BSCL2: variants seen among roughly 807,000 people sequenced by gnomAD.
BSCL2 encodes BSCL2 lipid droplet biogenesis associated, seipin, also known as seipin.
Under a neutral mutation model 57.4 loss-of-function variants are expected in BSCL2, and 41 were observed. The observed-to-expected ratio is 0.71, with a 90% CI of 0.56 to 0.93. The LOEUF (loss-of-function observed/expected upper bound fraction) is 0.93. BSCL2 is among the 40% of genes least tolerant of loss of function. The pLI is 0.00. For synonymous variants in BSCL2, 237 were observed against 227.3 expected (o/e 1.04, Z -0.38); for missense variants, 539 against 586.7 (o/e 0.92, Z 0.84).
At chr11:62,706,263 C>T (rs1350154556) in intron 1 of BSCL2, 1 of 1,102,134 alleles carries the variant, frequency 9.1e-7, no homozygotes, top group African/African-American at 1.7e-5. Context: ...ACTCACCAGC[C>T]TCGCGCGCTG....
Position 62,690,370 on chromosome 11 carries a change from G to T in BSCL2, c.1386C>A (p.Ser462=). 1 of 1,614,028 alleles carries T rather than the reference G, an allele frequency of 6.2e-7. No individual in the cohort carries two copies. Among genetic ancestry groups the T allele is most frequent in the Non-Finnish European group, 8.5e-7 (1 of 1,180,030 alleles). Residue 462 remains serine (S), a synonymous_variant, in exon 11 of 11, where the codon TCC becomes TCA. Transcript: ENST00000360796. ...ALRQRPTCSS[S] is the part of the protein sequence containing the mutation. ...GTGAGGAGTCTGCCCCTTTTCTTCA[G>T]GAACTAGAGCAGGTGGGGCGCTGTC...
chr11:62,698,622 T>C (rs1039604553), intron 3 of BSCL2, among the ~76,000 whole-genome samples: 1 of 152,260 alleles, frequency 6.6e-6, no homozygotes, highest in African/African-American at 2.4e-5. Flanking sequence ...CCGTTACACA[T>C]AGTGGACAGA....
At chr11:62,691,886 CA>C (rs1013126945) in intron 6 of BSCL2, among the ~76,000 whole-genome samples, 4 of 151,794 alleles carry the variant, frequency 2.6e-5, no homozygotes, top group African/African-American at 9.7e-5. Flanking sequence ...CCATCTCTAC[CA>C]AAAATACAAA....
chr11:62,702,026 CA>C (rs1393890852), intron 3 of BSCL2, among the ~76,000 whole-genome samples: 4 of 151,584 alleles, frequency 2.6e-5, no homozygotes, highest in Admixed American at 6.6e-5. Context: ...TCAATACACA[CA>C]ATTAATTTTA....
At chr11:62,692,551 A>T in intron 5 of BSCL2, 78 bp from the exon 6 acceptor site, 1 of 1,611,510 alleles carries the variant, frequency 6.2e-7, no homozygotes, top group Non-Finnish European at 8.5e-7. Context: ...TCTGAGCCCC[A>T]CTTCCAGTCT....
chr11:62,709,055 G>A (rs1162572912), upstream of BSCL2: 9 of 506,962 alleles, frequency 1.8e-5, no homozygotes, highest in Non-Finnish European at 2.6e-5. Flanking sequence ...GCAGGGCCCC[G>A]TCAGACTCTG....
chr11:62,709,512 A>G (rs907811470), upstream of BSCL2: 3 of 453,698 alleles, frequency 6.6e-6, no homozygotes, highest in African/African-American at 6.0e-5. Flanking sequence ...AGGAACTCTT[A>G]GGAGGGTAGG....
chr11:62,699,793 C>T (rs1945587215), intron 3 of BSCL2, among the ~76,000 whole-genome samples: 1 of 150,680 alleles, frequency 6.6e-6, no homozygotes, highest in Non-Finnish European at 1.5e-5. Context: ...ATTCTTGTGC[C>T]TCAGCCTCCA....
rs764226928 is a variant in BSCL2 at position 62,705,496 on chromosome 11, G to A, written c.209C>T (p.Pro70Leu). 10 of 1,614,072 alleles carry A rather than the reference G, an allele frequency of 6.2e-6. No homozygotes were observed. The highest frequency in any genetic ancestry group is 2.7e-5 in the African/African-American group (2 of 74,936). The stretch of plus-strand genomic sequence containing the variant: ...CTGGGCCCACAGTAAGGCAGGTACT[G>A]GAGGGTCGTTGACCATGGCCGGGAG... ...PALPAMVNDPPVPALLWAQEV... is the reference protein window; with the variant it reads ...PALPAMVNDPLVPALLWAQEV... Residue 70 changes from proline (P) to leucine (L), a missense_variant, in exon 2 of 11, where the codon CCA becomes CTA. Pro to Leu is a moderately conservative substitution (Grantham distance 98). Transcript: ENST00000360796.
At chr11:62,697,830 C>T (rs2957117) in intron 3 of BSCL2, among the ~76,000 whole-genome samples, 107,355 of 150,412 alleles carry the variant, frequency 0.71, 39,238 homozygotes, top group Admixed American at 0.81. Context: ...TGAACATCAC[C>T]ATCTCCATGG....
rs758460754 is a variant in BSCL2, at chr11:62,691,362, G to A, written c.923C>T (p.Thr308Ile). The A allele has an allele frequency of 2.4e-5, 38 of 1,614,216 alleles. No homozygotes were observed. The highest frequency in any genetic ancestry group is 3.2e-5 in the Non-Finnish European group (38 of 1,180,040). The change falls in exon 7 of 11, where the codon ACC (threonine) becomes ATC (isoleucine). Residue 308 changes from threonine (T) to isoleucine (I), a missense_variant. Transcript: ENST00000360796. The stretch of plus-strand genomic sequence containing the variant: ...GAAGAGCACGATGACGCTGAGGAAG[G>A]TGAAGTTGCTGGCAACACCTATGAA... ...CAFIGVASNF[T>I]FLSVIVLFSY...
At chr11:62,706,713 T>G (rs2083546477) in intron 1 of BSCL2, 3 of 490,224 alleles carry the variant, frequency 6.1e-6, no homozygotes, top group Middle Eastern at 3.1e-4. Flanking sequence ...TGTAGGCATC[T>G]AAGGCGGGGG....
At chr11:62,695,504 T>C (rs1226835168) in intron 3 of BSCL2, among the ~76,000 whole-genome samples, 1 of 143,178 alleles carries the variant, frequency 7.0e-6, no homozygotes, top group Non-Finnish European at 1.5e-5. Flanking sequence ...AGGTCAGGAG[T>C]TCGAGACCAG....
chr11:62,694,717 A>G lies in BSCL2; in HGVS notation c.487-6T>C. 1 of 1,613,974 alleles carries G rather than the reference A, an allele frequency of 6.2e-7. No homozygotes were observed. The highest frequency in any genetic ancestry group is 8.5e-7 in the Non-Finnish European group (1 of 1,179,944). ...GGCTGTCCATACATCAGCACCTGCC[A>G]AAGGTAGCCCCCATTTCTTTAAAAA... is the stretch of plus-strand genomic sequence containing the variant. On this transcript the variant is annotated splice_polypyrimidine_tract_variant and splice_region_variant and intron_variant, in intron 3 of 10. Transcript: ENST00000360796.
At position 62,702,465 on chromosome 11, in the gene BSCL2, C is replaced by A; in HGVS notation, c.486+3G>T. 6.2e-7 allele frequency: 1 copy of A among 1,610,622 alleles called. No individual in the cohort carries two copies. Among genetic ancestry groups the A allele is most frequent in the East Asian group, 2.2e-5 (1 of 44,810 alleles). Reference sequence around the variant, plus strand: ...GAAACCTCTCTCTAGTTCCCATACTCACCCGATCACGTCCACCCTTAGTCA... The same window carrying A: ...GAAACCTCTCTCTAGTTCCCATACTAACCCGATCACGTCCACCCTTAGTCA... On this transcript the variant is annotated splice_donor_region_variant and intron_variant, in intron 3 of 10. Coordinates refer to ENST00000360796, the MANE Select transcript of BSCL2 (RefSeq NM_001122955.4).
At chr11:62,703,615 T>G (rs1369293525) in intron 2 of BSCL2, among the ~76,000 whole-genome samples, 1 of 151,038 alleles carries the variant, frequency 6.6e-6, no homozygotes, top group Non-Finnish European at 1.5e-5. Context: ...CCTCCCAAAG[T>G]GCTGGGATTA....
At chr11:62,704,278 C>T (rs1052741632) in intron 2 of BSCL2, among the ~76,000 whole-genome samples, 1 of 149,364 alleles carries the variant, frequency 6.7e-6, no homozygotes, top group Non-Finnish European at 1.5e-5. Context: ...GAAACCCCAT[C>T]TCCCCAGCAC....
At chr11:62,708,362 C>G, upstream of BSCL2, 1 of 1,613,430 alleles carries the variant, frequency 6.2e-7, no homozygotes, top group Non-Finnish European at 8.5e-7. Context: ...GGTGGAACAG[C>G]TTAAGATTGA....
chr11:62,702,636 G>T, intron 2 of BSCL2, 87 bp from the exon 3 acceptor site: 1 of 1,085,468 alleles, frequency 9.2e-7, no homozygotes, highest in Non-Finnish European at 1.4e-6. Flanking sequence ...GCTCCCTCCT[G>T]CCCTCCTCCC....
Sources: allele counts gnomAD v4.1 joint callset (sites outside exome capture counted in the v4.1 genomes callset), GRCh38; gene constraint gnomAD v4.1.1; transcripts MANE v1.5; gene names NCBI Gene and HGNC (gene_info 2026-07-23, HGNC 2026-07-21).